Variants in USH2A observed in about 807,000 individuals in gnomAD.
USH2A encodes Usher syndrome 2A (autosomal recessive, mild).
In USH2A, 443 loss-of-function variants were observed where a neutral mutation model predicts 538.9. The ratio of observed to expected loss-of-function variants is 0.82; its 90% CI spans 0.76 to 0.89. The LOEUF is 0.89. USH2A is among the 40% of genes least tolerant of loss of function. The probability of loss-of-function intolerance (pLI) is 0.00; values close to 1 mark genes in which losing one functional copy is unlikely to be tolerated. For missense variants in USH2A, 6,633 were observed against 6,324.8 expected, an observed-to-expected ratio of 1.05 and a Z score of -1.65; for synonymous variants, 2,413 against 2,273.5, an observed-to-expected ratio of 1.06 and a Z score of -1.75.
chr1:215,806,231 CT>C (rs1180349233), intron 49 of USH2A, among the ~76,000 whole-genome samples: 4 of 152,032 alleles, frequency 2.6e-5, no homozygotes, highest in Non-Finnish European at 5.9e-5. Context: ...CAGATTCTGC[CT>C]TTATTTTTCT....
chr1:216,260,600 A>C (rs556468262), intron 11 of USH2A, among the ~76,000 whole-genome samples: 65 of 152,264 alleles, frequency 4.3e-4, no homozygotes, highest in African/African-American at 1.5e-3. Context: ...CATAGTGCCA[A>C]GGTTGAGAAT....
At chr1:216,289,160 C>G in intron 11 of USH2A, 120 bp downstream of exon 11, 1 of 1,446,554 alleles carries the variant, frequency 6.9e-7, no homozygotes, top group Non-Finnish European at 9.6e-7. Context: ...CTTTGAAATG[C>G]AAATGCACAT....
At chr1:216,138,254 T>G (rs1254739519) in intron 21 of USH2A, among the ~76,000 whole-genome samples, 1 of 152,202 alleles carries the variant, frequency 6.6e-6, no homozygotes, top group Non-Finnish European at 1.5e-5. Flanking sequence ...AACAAATTGC[T>G]GTTCAAGTAA....
intron 32 of USH2A, among the ~76,000 whole-genome samples, chr1:216,027,954 C>G (rs1389969917): frequency 6.6e-6 from 1 of 152,126 alleles, no homozygotes; most frequent in Non-Finnish European, 1.5e-5. Context: ...GTGTAAGCAC[C>G]AAAATTCTAG....
intron 3 of USH2A, among the ~76,000 whole-genome samples, chr1:216,370,217 C>T (rs1173567725): frequency 6.6e-6 from 1 of 151,330 alleles, no homozygotes; most frequent in Non-Finnish European, 1.5e-5. Context: ...AAAAATTAGC[C>T]AGTTGTGGTG....
intron 22 of USH2A, among the ~76,000 whole-genome samples, chr1:216,093,814 C>T (rs914577193): frequency 6.6e-6 from 1 of 152,146 alleles, no homozygotes; most frequent in African/African-American, 2.4e-5. Context: ...CAGTGCATAA[C>T]TGTGAAGTCC....
intron 18 of USH2A, 138 bp downstream of exon 18, chr1:216,198,177 T>C: frequency 8.1e-7 from 1 of 1,239,304 alleles, no homozygotes; most frequent in Non-Finnish European, 1.1e-6. Flanking sequence ...AATCCATATA[T>C]ATGAAAATTT....
intron 21 of USH2A, among the ~76,000 whole-genome samples, chr1:216,134,618 T>C (rs2033444678): frequency 6.6e-6 from 1 of 152,138 alleles, no homozygotes; most frequent in African/African-American, 2.4e-5. Flanking sequence ...AGAAAAATGC[T>C]AGATAGAAAT....
chr1:215,678,568 G>A (rs1226543943), intron 62 of USH2A, among the ~76,000 whole-genome samples: 1 of 152,228 alleles, frequency 6.6e-6, no homozygotes, highest in Non-Finnish European at 1.5e-5. Context: ...AAAATAGCCT[G>A]AGCAGGCATA....
chr1:215,952,716 G>C (rs146650994), intron 37 of USH2A, among the ~76,000 whole-genome samples: 1 of 152,106 alleles, frequency 6.6e-6, no homozygotes, highest in Non-Finnish European at 1.5e-5. Flanking sequence ...CCCCCACTCT[G>C]TTCTGGCTTG....
intron 27 of USH2A, among the ~76,000 whole-genome samples, chr1:216,074,025 A>G (rs1046884311): frequency 6.6e-6 from 1 of 152,258 alleles, no homozygotes; most frequent in African/African-American, 2.4e-5. Flanking sequence ...TAGCAACACC[A>G]TGAGATTTCA....
intron 4 of USH2A, among the ~76,000 whole-genome samples, chr1:216,362,606 T>C (rs1373987303): frequency 6.6e-6 from 1 of 152,148 alleles, no homozygotes; most frequent in Non-Finnish European, 1.5e-5. Context: ...ATTCAACTTC[T>C]ATGAATTTAT....
At chr1:216,110,638 T>C (rs1277952307) in intron 21 of USH2A, among the ~76,000 whole-genome samples, 1 of 152,172 alleles carries the variant, frequency 6.6e-6, no homozygotes, top group East Asian at 1.9e-4. Flanking sequence ...CAAAATATTA[T>C]AAAGACCCAG....
rs1415134111 is a variant in USH2A, at chr1:216,223,320, C to T, written c.2994-5770G>A. Among the ~76,000 whole-genome samples the T allele has an allele frequency of 5.9e-5, 9 of 152,254 alleles. No individual in the cohort carries two copies. The East Asian group carries it at 1.3e-3, about 23-fold the overall frequency. On this transcript the variant is annotated intron_variant, in intron 14 of 71. Coordinates refer to ENST00000307340, the MANE Select transcript of USH2A (RefSeq NM_206933.4). ...TGCTACTAATATATAAAAACTGATA[C>T]TTCTTATCAGATCATATATCATCTA...
chr1:215,771,915 C>T (rs963599232), intron 55 of USH2A, among the ~76,000 whole-genome samples: 1 of 152,020 alleles, frequency 6.6e-6, no homozygotes, highest in African/African-American at 2.4e-5. Context: ...AAATTTAAAA[C>T]CATATTCTAT....
At chr1:215,953,112 T>A (rs539970001) in intron 37 of USH2A, among the ~76,000 whole-genome samples, 14 of 152,116 alleles carry the variant, frequency 9.2e-5, no homozygotes, top group African/African-American at 3.4e-4. Flanking sequence ...GTAGGAAGAA[T>A]CAATATTGTG....
intron 21 of USH2A, among the ~76,000 whole-genome samples, chr1:216,144,678 G>A (rs375293609): frequency 1.2e-3 from 179 of 152,214 alleles, no homozygotes; most frequent in South Asian, 5.8e-3. Flanking sequence ...CCTGACCACT[G>A]GGCAACATTT....
rs1422060189 is a variant in USH2A, at chr1:216,336,209, A to C, written c.785-8555T>G. Among the ~76,000 whole-genome samples, 9 of 151,510 alleles carry C rather than the reference A, an allele frequency of 5.9e-5. No individual in the cohort carries two copies. In the East Asian group the frequency reaches 1.7e-3, roughly 29 times the overall value. On this transcript the variant is annotated intron_variant, in intron 4 of 71. Transcript: ENST00000307340. ...GCTACATAGTCAAAGTTAACACTTCATGATAAAATTTTTAAAAAGCAACTA... is the reference window on the plus strand; with the variant it reads ...GCTACATAGTCAAAGTTAACACTTCCTGATAAAATTTTTAAAAAGCAACTA...
intron 13 of USH2A, among the ~76,000 whole-genome samples, chr1:216,236,482 G>C (rs951163354): frequency 6.6e-6 from 1 of 152,066 alleles, no homozygotes; most frequent in South Asian, 2.1e-4. Context: ...CATAGTCTCT[G>C]GTAATTTACT....
Sources: allele counts gnomAD v4.1 joint callset (sites outside exome capture counted in the v4.1 genomes callset), GRCh38; gene constraint gnomAD v4.1.1; transcripts MANE v1.5; gene names NCBI Gene and HGNC (gene_info 2026-07-23, HGNC 2026-07-21).